Variants in JAK2 observed in about 807,000 individuals in gnomAD.
The protein encoded by JAK2 is Janus kinase 2, also known as tyrosine-protein kinase JAK2.
JAK2 carries 86 observed loss-of-function variants against 139.3 expected under a neutral mutation model. That is an observed-to-expected ratio of 0.62 (90% CI 0.52 to 0.74). JAK2 has a LOEUF of 0.74. Ranked by LOEUF, JAK2 falls within the 30% of genes least tolerant of loss-of-function variation. The pLI is 0.00. For missense variants in JAK2, 1,421 were observed against 1,360.3 expected (o/e 1.04, Z -0.70); for synonymous variants, 490 against 437.7 (o/e 1.12, Z -1.49).
intron 19 of JAK2, chr9:5,085,957 A>G (rs1312230382): frequency 8.9e-7 from 1 of 1,119,852 alleles, no homozygotes; most frequent in Non-Finnish European, 1.4e-6. Flanking sequence ...GGATCGGTGT[A>G]TTTCTCACCA....
At chr9:5,115,270 C>T in intron 22 of JAK2, among the ~76,000 whole-genome samples, 1 of 152,100 alleles carries the variant, frequency 6.6e-6, no homozygotes, top group East Asian at 1.9e-4. Context: ...AGACACTTCT[C>T]AAAAGAAGAC....
intron 12 of JAK2, among the ~76,000 whole-genome samples, chr9:5,070,682 C>T (rs1818899194): frequency 1.3e-5 from 2 of 151,902 alleles, no homozygotes; most frequent in Non-Finnish European, 2.9e-5. Flanking sequence ...GATGCAGAAC[C>T]CGCCCTGCCA....
rs1819128475 is a variant in JAK2 at position 5,073,743 on chromosome 9, C to T, written c.1822C>T (p.His608Tyr). The T allele has an allele frequency of 6.2e-7, 1 of 1,612,390 alleles. No homozygotes were observed. The highest frequency in any genetic ancestry group is 2.2e-5 in the East Asian group (1 of 44,826). The change falls in exon 14 of 25, where the codon CAT becomes TAT. Residue 608 changes from histidine (H) to tyrosine (Y), a missense_variant. Physicochemically the swap from His to Tyr is moderately conservative, Grantham distance 83. Coordinates refer to ENST00000381652, the MANE Select transcript of JAK2 (RefSeq NM_004972.4). ...TATGATGAGCAAGCTTTCTCACAAGCATTTGGTTTTAAATTATGGAGTATG... is the reference window on the plus strand; with the variant it reads ...TATGATGAGCAAGCTTTCTCACAAGTATTTGGTTTTAAATTATGGAGTATG... ...ASMMSKLSHK[H>Y]LVLNYGVCVC...
At chr9:4,989,647 G>T (rs1820138828) in intron 2 of JAK2, among the ~76,000 whole-genome samples, 1 of 152,118 alleles carries the variant, frequency 6.6e-6, no homozygotes, top group South Asian at 2.1e-4. Flanking sequence ...AGTATAATTG[G>T]GCAGATAAGC....
At chr9:5,080,126 A>G in intron 16 of JAK2, 103 bp from the exon 17 acceptor site, 1 of 907,772 alleles carries the variant, frequency 1.1e-6, no homozygotes, top group South Asian at 2.0e-5. Flanking sequence ...TAAAGAAAAT[A>G]GGCCTGATTA....
chr9:5,021,586 A>C (rs1822432549), intron 2 of JAK2, among the ~76,000 whole-genome samples: 1 of 152,202 alleles, frequency 6.6e-6, no homozygotes. Context: ...TTGTGTATGA[A>C]GGGTGCCTTA....
At chr9:5,050,573 T>A in intron 5 of JAK2, 113 bp from the exon 6 acceptor site, 1 of 1,129,222 alleles carries the variant, frequency 8.9e-7, no homozygotes, top group South Asian at 1.6e-5. Context: ...GCCTGGCCAA[T>A]TTGTATCTTG....
chr9:5,114,449 C>A, intron 22 of JAK2: 1 of 477,388 alleles, frequency 2.1e-6, no homozygotes, highest in South Asian at 1.8e-5. Flanking sequence ...TGACCCACAC[C>A]CACCTGCAGT....
At position 5,022,029 on chromosome 9, in the gene JAK2, A is replaced by T; in HGVS notation, c.42A>T (p.Thr14=). Residue 14 remains threonine (T), a synonymous_variant, in exon 3 of 25, where the codon ACA becomes ACT. Transcript: ENST00000381652. ...ACLTMTEMEG[T]STSSIYQNGD... ...TTACGATGACAGAAATGGAGGGAAC[A>T]TCCACCTCTTCTATATATCAGAATG... 1 of 1,614,172 alleles carries T rather than the reference A, an allele frequency of 6.2e-7. No homozygotes were observed. Among genetic ancestry groups the T allele is most frequent in the Non-Finnish European group, 8.5e-7 (1 of 1,179,962 alleles).
Position 5,054,986 on chromosome 9 carries a change from C to A in JAK2, c.936+102C>A. The A allele has an allele frequency of 4.9e-6, 4 of 815,392 alleles. No homozygotes were observed. Among genetic ancestry groups the A allele is most frequent in the Non-Finnish European group, 7.5e-6 (4 of 532,606 alleles). 50.5% of individuals were successfully genotyped at this position (815,392 alleles called of 1,614,324 possible). On this transcript the variant is annotated intron_variant, in intron 7 of 24. Coordinates refer to ENST00000381652, the MANE Select transcript of JAK2 (RefSeq NM_004972.4). This position sits in a 1 kb window ranked among gnomAD's most constrained non-coding sequence, Gnocchi z 4.9. ...TTGCAACATGGTATTGCACTTCTCCCATTTGATAGAAGTGGAAGTTTTTAA... is the reference window on the plus strand; with the variant it reads ...TTGCAACATGGTATTGCACTTCTCCAATTTGATAGAAGTGGAAGTTTTTAA...
intron 22 of JAK2, chr9:5,112,134 G>T: frequency 3.2e-6 from 1 of 312,720 alleles, no homozygotes; most frequent in Non-Finnish European, 6.4e-6. Flanking sequence ...GCCACGCCAT[G>T]GGCACGGCTA....
rs527898054 is a variant in JAK2 at position 5,098,205 on chromosome 9, A to G, written c.3059+7294A>G. The stretch of plus-strand genomic sequence containing the variant: ...CCAACCTACATTAAACCCTTAAATG[A>G]AAAAGAAAGGAATTAACTTCCAGAA... On this transcript the variant is annotated intron_variant, in intron 22 of 24. Transcript: ENST00000381652. The G allele has an allele frequency of 2.6e-5, 4 of 152,318 alleles. No individual in the cohort carries two copies. In the East Asian group the frequency reaches 7.7e-4, roughly 29 times the overall value. The allele number at this position is 152,318 out of a possible 1,614,324, so 9.4% of individuals were successfully genotyped here.
At chr9:5,121,279 C>T (rs1823600819) in intron 22 of JAK2, among the ~76,000 whole-genome samples, 1 of 152,202 alleles carries the variant, frequency 6.6e-6, no homozygotes. Context: ...AAGGAAATCT[C>T]ACCCTTTTAT....
intron 4 of JAK2, among the ~76,000 whole-genome samples, chr9:5,036,781 C>A (rs1486752144): frequency 6.6e-6 from 1 of 152,142 alleles, no homozygotes; most frequent in African/African-American, 2.4e-5. Context: ...CTAGGCAATA[C>A]CATTCAGGAC....
intron 2 of JAK2, among the ~76,000 whole-genome samples, chr9:5,014,901 G>T (rs908305161): frequency 6.6e-6 from 1 of 151,030 alleles, no homozygotes; most frequent in Non-Finnish European, 1.5e-5. Flanking sequence ...TGTATTTTGG[G>T]ATTAACATTT....
chr9:5,008,415 G>A (rs1821461544), intron 2 of JAK2, among the ~76,000 whole-genome samples: 1 of 152,222 alleles, frequency 6.6e-6, no homozygotes, highest in Admixed American at 6.5e-5. Context: ...GTAGGAAGTG[G>A]AGATTAAGAA....
intron 22 of JAK2, chr9:5,098,314 G>C (rs1371577995): frequency 5.9e-5 from 9 of 152,150 alleles, no homozygotes; most frequent in African/African-American, 1.9e-4. Context: ...TCAAAGTTAA[G>C]TTATAGGCTA....
At chr9:5,000,091 C>A (rs1289929914) in intron 2 of JAK2, among the ~76,000 whole-genome samples, 2 of 151,862 alleles carry the variant, frequency 1.3e-5, no homozygotes, top group African/African-American at 4.8e-5. Context: ...TGTTCATTTT[C>A]ATATTAAATT....
At chr9:5,110,128 G>GA (rs1564013530) in intron 22 of JAK2, 1 of 152,188 alleles carries the variant, frequency 6.6e-6, no homozygotes, top group African/African-American at 2.4e-5. Context: ...GCAGCAGCAG[G>GA]AAAGTCAGCT....
Sources: allele counts gnomAD v4.1 joint callset (sites outside exome capture counted in the v4.1 genomes callset), GRCh38; gene constraint gnomAD v4.1.1; non-coding constraint Gnocchi (gnomAD v3.1); transcripts MANE v1.5; gene names NCBI Gene and HGNC (gene_info 2026-07-23, HGNC 2026-07-21).